The following TMC4 variants were observed in gnomAD, a reference collection of about 807,000 sequenced individuals.
TMC4 encodes transmembrane channel like 4.
Under a neutral mutation model 82.0 loss-of-function variants are expected in TMC4, and 70 were observed. The observed-to-expected ratio is 0.85, with a 90% CI of 0.70 to 1.04. The LOEUF (loss-of-function observed/expected upper bound fraction) is 1.04. Among genes scored for constraint, TMC4 ranks in the 50% least tolerant of loss-of-function variants. The pLI is 0.00. For missense variants in TMC4, 879 were observed against 899.0 expected (o/e 0.98, Z 0.28); for synonymous variants, 446 against 406.0 (o/e 1.10, Z -1.18).
At chr19:54,163,235 C>T in intron 8 of TMC4, 76 bp from the exon 9 acceptor site, 1 of 1,568,014 alleles carries the variant, frequency 6.4e-7, no homozygotes, top group South Asian at 1.1e-5. Context: ...GTGGAACGCG[C>T]CCGCATTCAA....
chr19:54,171,078 T>TACACAC (rs2075872738), intron 2 of TMC4, among the ~76,000 whole-genome samples: 1 of 46,686 alleles, frequency 2.1e-5, no homozygotes, highest in Admixed American at 2.3e-4. Flanking sequence ...TATACATATA[T>TACACAC]ATGTGTATAT....
Position 54,170,841 on chromosome 19 carries a change from G to A in TMC4, c.293+1029C>T, listed in dbSNP as rs575949290. Among the ~76,000 whole-genome samples the A allele has an allele frequency of 6.6e-5, 10 of 151,664 alleles. No homozygotes were observed. The South Asian group carries it at 1.5e-3, about 22-fold the overall frequency. On this transcript the variant is annotated intron_variant, in intron 2 of 14. Transcript: ENST00000619895. Reference sequence around the variant, plus strand: ...CACCTCTAGATTACTTATAACACCCGGTACAAGGTAAATGTTATATAGATA... The same window carrying A: ...CACCTCTAGATTACTTATAACACCCAGTACAAGGTAAATGTTATATAGATA...
chr19:54,160,391 T>C lies in TMC4; in HGVS notation c.2053-17A>G, dbSNP rs1477102215. Reference sequence around the variant, plus strand: ...CTGCGCCTCCTGGGGCAAAGAGAGGTGGAGGTGAGACAATCCTCTTCCCCA... The same window carrying C: ...CTGCGCCTCCTGGGGCAAAGAGAGGCGGAGGTGAGACAATCCTCTTCCCCA... On this transcript the variant is annotated splice_polypyrimidine_tract_variant and intron_variant, in intron 14 of 14. Coordinates refer to ENST00000619895, the MANE Select transcript of TMC4 (RefSeq NM_144686.4). 1 of 1,562,330 alleles carries C rather than the reference T, an allele frequency of 6.4e-7. No individual in the cohort carries two copies. The highest frequency in any genetic ancestry group is 1.4e-5 in the African/African-American group (1 of 72,844).
chr19:54,171,253 C>T (rs1472415433), intron 2 of TMC4, among the ~76,000 whole-genome samples: 1 of 152,050 alleles, frequency 6.6e-6, no homozygotes, highest in Non-Finnish European at 1.5e-5. Flanking sequence ...GGATTACAGG[C>T]ACCCGCCACC....
intron 7 of TMC4, among the ~76,000 whole-genome samples, chr19:54,164,131 C>T (rs894999619): frequency 1.3e-5 from 2 of 151,898 alleles, no homozygotes; most frequent in East Asian, 3.9e-4. Flanking sequence ...CCCACCACCA[C>T]GCCCGTCTAA....
Position 54,163,160 on chromosome 19 carries a change from C to T in TMC4, c.1278-1G>A. The T allele has an allele frequency of 6.2e-7, 1 of 1,613,744 alleles. No homozygotes were observed. Reference sequence around the variant, plus strand: ...GGAGGCGAGGCGAAGAAACACGGTCCTGAAGGGGGGAAGGCAGAGAATGGG... The same window carrying T: ...GGAGGCGAGGCGAAGAAACACGGTCTTGAAGGGGGGAAGGCAGAGAATGGG... On this transcript the variant is annotated splice_acceptor_variant, in intron 8 of 14. Transcript: ENST00000619895. LOFTEE classifies it high-confidence loss of function.
Position 54,162,731 on chromosome 19 carries a change from G to C in TMC4, c.1444C>G (p.Leu482Val). The C allele has an allele frequency of 6.2e-7, 1 of 1,614,128 alleles. No individual in the cohort carries two copies. The highest frequency in any genetic ancestry group is 2.2e-5 in the East Asian group (1 of 44,876). Residue 482 changes from leucine (L) to valine (V), a missense_variant, in exon 10 of 15, where the codon CTG becomes GTG. Coordinates refer to ENST00000619895, the MANE Select transcript of TMC4 (RefSeq NM_144686.4). ...AAGACAGTCAGCAGATCAAAGAGCA[G>C]AAGTTTGTACATTTCCTGGCCCAGG... ...TVLGQEMYKL[L>V]LFDLLTVLAV...
chr19:54,162,329 G>C (rs1308201777), intron 10 of TMC4, 44 bp from the exon 11 acceptor site: 3 of 1,395,474 alleles, frequency 2.1e-6, no homozygotes, highest in African/African-American at 3.1e-5. Flanking sequence ...GGGAGTGGCG[G>C]CCTGGAGTTT....
intron 7 of TMC4, 27 bp downstream of exon 7, chr19:54,164,407 G>C: frequency 6.3e-7 from 1 of 1,586,802 alleles, no homozygotes; most frequent in East Asian, 2.3e-5. Flanking sequence ...AGGACCCCCT[G>C]GCTTCCTCTT....
rs760996166 is a variant in TMC4 at position 54,160,563 on chromosome 19, G to A, written c.1974-18C>T. 6.2e-7 allele frequency: 1 copy of A among 1,613,858 alleles called. No homozygotes were observed. Among genetic ancestry groups the A allele is most frequent in the Non-Finnish European group, 8.5e-7 (1 of 1,179,980 alleles). On this transcript the variant is annotated intron_variant, in intron 13 of 14. Coordinates refer to ENST00000619895, the MANE Select transcript of TMC4 (RefSeq NM_144686.4). ...TCAGGATGCTGAAGGAGACAGGAAC[G>A]GAAGCCACTCCTGACACGCTCTTCC... is the stretch of plus-strand genomic sequence containing the variant.
Position 54,164,562 on chromosome 19 carries a change from C to T in TMC4, c.985G>A (p.Val329Met). 1.2e-6 allele frequency: 2 copies of T among 1,613,800 alleles called. No individual in the cohort carries two copies. Among genetic ancestry groups the T allele is most frequent in the Non-Finnish European group, 1.7e-6 (2 of 1,180,004 alleles). The change falls in exon 7 of 15, where the codon GTG becomes ATG. Residue 329 changes from valine (V) to methionine (M), a missense_variant. Physicochemically the swap from Val to Met is conservative, Grantham distance 21 (BLOSUM62 1). Transcript: ENST00000619895. The part of the protein sequence containing the change: ...EETVVRRQAA[V>M]RTLGQQARVW... ...CTGGCTTGCTGGCCCAGCGTCCGCA[C>T]CGCAGCCTGGCGCCGCACCACTGTC... is the stretch of plus-strand genomic sequence containing the variant.
rs115877425 is a variant in TMC4, at chr19:54,164,491, G to C, written c.1056C>G (p.Leu352=). 1.9e-6 allele frequency: 3 copies of C among 1,613,700 alleles called. No individual in the cohort carries two copies. Among genetic ancestry groups the C allele is most frequent in the South Asian group, 1.1e-5 (1 of 91,056 alleles). The part of the protein sequence containing the change: ...RVLLNLLVVA[L]LGAAFYGVYW... ...AGACGCCATAGAAGGCTGCCCCCAG[G>C]AGCGCGACCACCAGCAGGTTGAGCA... Residue 352 remains leucine, a synonymous_variant, in exon 7 of 15, where the codon CTC becomes CTG. Transcript: ENST00000619895.
chr19:54,160,334 G>A lies in TMC4; in HGVS notation c.2093C>T (p.Ala698Val), dbSNP rs2075507349. The change falls in exon 15 of 15, where the codon GCG becomes GTG. Residue 698 changes from alanine to valine, a missense_variant. Physicochemically the swap from Ala to Val is moderately conservative, Grantham distance 64. Coordinates refer to ENST00000619895, the MANE Select transcript of TMC4 (RefSeq NM_144686.4). ...NKVFLARRAV[A>V]LTSTKPAL is the part of the protein sequence containing the mutation. ...AAGAGCCGGTTTGGTGGAGGTCAGC[G>A]CCACAGCGCGCCGTGCCAGGAAGAC... The A allele has an allele frequency of 1.3e-6, 2 of 1,522,668 alleles. No individual in the cohort carries two copies. The highest frequency in any genetic ancestry group is 2.3e-5 in the East Asian group (1 of 44,016). 94.3% of individuals were successfully genotyped at this position (1,522,668 alleles called of 1,614,324 possible). A position where few individuals can be genotyped will look rare whatever the true frequency, so the allele number is the denominator to read the frequency against.
At chr19:54,165,887 G>A (rs145454075) in intron 5 of TMC4, among the ~76,000 whole-genome samples, 206 of 152,282 alleles carry the variant, frequency 1.4e-3, no homozygotes, top group African/African-American at 4.7e-3. Flanking sequence ...GAGGAAGACA[G>A]AGATGTGGAG....
In TMC4 at chr19:54,161,184, A is replaced by G. The variant is rs768342333; in HGVS notation, c.1763T>C (p.Val588Ala). The G allele has an allele frequency of 6.3e-7, 1 of 1,593,312 alleles. No individual in the cohort carries two copies. The highest frequency in any genetic ancestry group is 8.5e-7 in the Non-Finnish European group (1 of 1,171,438). ...GGAGATGGCCAGACCCAGGAGAAGG[A>G]CCAAGGGGAAAAAGAAATTCGCCGC... ...ASAANFFFPLVLLLGLAISSV... is the reference protein window; with the variant it reads ...ASAANFFFPLALLLGLAISSV... Residue 588 changes from valine to alanine, a missense_variant, in exon 12 of 15, where the codon GTC becomes GCC. By Grantham distance (64) the Val-to-Ala change is moderately conservative. Coordinates refer to ENST00000619895, the MANE Select transcript of TMC4 (RefSeq NM_144686.4).
In TMC4 at chr19:54,168,517, G is replaced by A. The variant is rs1600578291; in HGVS notation, c.606C>T (p.Gly202=). The stretch of plus-strand genomic sequence containing the variant: ...GGCCCTGGGAGTGGGGGTTATAGGA[G>A]CCGCAGGGCGAGGAGATGTCGGGGC... The part of the protein sequence containing the change: ...PPGPDISSPC[G]SYNPHSQGLV... Residue 202 remains glycine (G), a synonymous_variant, in exon 4 of 15, where the codon GGC becomes GGT. Coordinates refer to ENST00000619895, the MANE Select transcript of TMC4 (RefSeq NM_144686.4). 2 of 1,549,388 alleles carry A rather than the reference G, an allele frequency of 1.3e-6. No individual in the cohort carries two copies. Among genetic ancestry groups the A allele is most frequent in the Non-Finnish European group, 1.7e-6 (2 of 1,146,992 alleles).
chr19:54,163,881 G>T lies in TMC4; in HGVS notation c.1120C>A (p.Pro374Thr). The change falls in exon 8 of 15, where the codon CCC (proline) becomes ACC (threonine). Residue 374 changes from proline to threonine, a missense_variant. By Grantham distance (38) the Pro-to-Thr change is conservative (BLOSUM62 -1). Transcript: ENST00000619895. The part of the protein sequence containing the change: ...TGCTVELQEM[P>T]LVQELPLLKL... The stretch of plus-strand genomic sequence containing the variant: ...AGCAGTGGCAACTCCTGGACAAGGG[G>T]CATCTCCTGGGAGCGGGATGGACCA... The T allele has an allele frequency of 1.2e-6, 2 of 1,614,026 alleles. No homozygotes were observed. The highest frequency in any genetic ancestry group is 1.7e-6 in the Non-Finnish European group (2 of 1,180,010).
At position 54,168,804 on chromosome 19, in the gene TMC4, TTTCTTTTCTTTTCTTTTCTTTTCTTTTC is replaced by T. The variant is rs2075779396; in HGVS notation, c.443-152_443-125del. The T allele has an allele frequency of 3.2e-4, 23 of 71,778 alleles. 10 individuals are homozygous for T. The East Asian group carries it at 5.3e-3, about 16-fold the overall frequency. The allele number at this position is 71,778 out of a possible 1,614,324, so 4.4% of individuals were successfully genotyped here. ...CTTTCTTTTCTTTTCTTTCTTTTCT[TTTCTTTTCTTTTCTTTTCTTTTCTTTTC>T]TTTTCTTTTCTTTTCTTTTCTTTTC... On this transcript the variant is annotated intron_variant, in intron 3 of 14. Transcript: ENST00000619895.
chr19:54,169,442 C>A, intron 3 of TMC4, 70 bp downstream of exon 3: 6 of 1,532,514 alleles, frequency 3.9e-6, no homozygotes, highest in Non-Finnish European at 5.2e-6. Flanking sequence ...GAGTCCGTCC[C>A]CAGCCCCTCC....
Sources: gnomAD v4.1 joint callset for allele counts (sites outside exome capture counted in the v4.1 genomes callset) on GRCh38, gnomAD v4.1.1 for gene constraint, MANE v1.5 for transcripts, NCBI Gene and HGNC (gene_info 2026-07-23, HGNC 2026-07-21) for gene names.